TRAF3: variants seen among roughly 807,000 people sequenced by gnomAD.
TRAF3 encodes the protein TNF receptor associated factor 3, also known as TNF receptor-associated factor 3.
TRAF3 carries 13 observed loss-of-function variants against 62.3 expected under a neutral mutation model. The ratio of observed to expected loss-of-function variants is 0.21; its 90% CI spans 0.14 to 0.33. The LOEUF (loss-of-function observed/expected upper bound fraction) is 0.33, where lower values mean the gene tolerates loss of function less well. Ranked by LOEUF, TRAF3 falls within the 10% of genes least tolerant of loss-of-function variation. The pLI is 1.00. For synonymous variants in TRAF3, 269 were observed against 283.4 expected (o/e 0.95, Z 0.51); for missense variants, 440 against 741.8 (o/e 0.59, Z 4.73).
chr14:102,887,567 T>C (rs746461550), intron 7 of TRAF3, among the ~76,000 whole-genome samples: 1 of 152,166 alleles, frequency 6.6e-6, no homozygotes, highest in Non-Finnish European at 1.5e-5. Flanking sequence ...CCTCTGTTAA[T>C]GTATAAAGAG....
At chr14:102,896,621 G>A (rs1042740729) in intron 9 of TRAF3, among the ~76,000 whole-genome samples, 20 of 152,072 alleles carry the variant, frequency 1.3e-4, no homozygotes, top group African/African-American at 4.6e-4. Flanking sequence ...GTCAACAATT[G>A]AAAAATACTC....
intron 8 of TRAF3, among the ~76,000 whole-genome samples, chr14:102,889,855 A>G (rs550996675): frequency 6.6e-6 from 1 of 152,328 alleles, no homozygotes; most frequent in Non-Finnish European, 1.5e-5. Flanking sequence ...GCTGAGGTGG[A>G]AGTTAATACA....
intron 1 of TRAF3, among the ~76,000 whole-genome samples, chr14:102,792,113 CTTTTTTTTTTT>C (rs35895214): frequency 6.1e-5 from 6 of 97,694 alleles, no homozygotes; most frequent in East Asian, 2.8e-4. Context: ...TGTGCCTGGA[CTTTTTTTTTTT>C]TTTTTTTTTT....
At chr14:102,889,509 C>G (rs1329995137) in intron 7 of TRAF3, 51 bp from the exon 8 acceptor site, 15 of 1,585,584 alleles carry the variant, frequency 9.5e-6, no homozygotes, top group Non-Finnish European at 1.3e-5. Context: ...TATGTTTGAA[C>G]ATTTTCATGC....
intron 1 of TRAF3, among the ~76,000 whole-genome samples, chr14:102,781,052 A>G (rs1405000911): frequency 6.6e-6 from 1 of 152,220 alleles, no homozygotes; most frequent in Non-Finnish European, 1.5e-5. Context: ...GATTGTGTAG[A>G]ATTCTGGAAG....
chr14:102,834,052 A>G (rs547981272), intron 2 of TRAF3, among the ~76,000 whole-genome samples: 7 of 152,244 alleles, frequency 4.6e-5, no homozygotes, highest in African/African-American at 1.7e-4. Context: ...ACTCTCTGCT[A>G]TTCCTAGCAG....
intron 8 of TRAF3, 53 bp from the exon 9 acceptor site, chr14:102,891,272 C>T: frequency 1.9e-6 from 3 of 1,543,654 alleles, no homozygotes; most frequent in Non-Finnish European, 1.8e-6. Context: ...AGCCGTTCTG[C>T]CCTTTGAAAT....
At chr14:102,791,979 T>G (rs34149089) in intron 1 of TRAF3, among the ~76,000 whole-genome samples, 3 of 150,422 alleles carry the variant, frequency 2.0e-5, no homozygotes, top group Admixed American at 6.7e-5. Flanking sequence ...TGCCCTGCTG[T>G]TTTTTTTTAT....
Position 102,908,179 on chromosome 14 carries a change from G to A in TRAF3, c.*2395G>A, listed in dbSNP as rs1332174019. ...AGTGCGTGTCACTGGGACGTCTCCA[G>A]TAGCCCTTCCCAGGCAGACGCTCCT... On this transcript the variant is annotated 3_prime_UTR_variant, in exon 12 of 12. Transcript: ENST00000392745. 6.6e-6 allele frequency: 1 copy of A among 152,320 alleles called. No individual in the cohort carries two copies. The highest frequency in any genetic ancestry group is 1.5e-5 in the Non-Finnish European group (1 of 68,078). 9.4% of individuals were successfully genotyped at this position (152,320 alleles called of 1,614,324 possible).
intron 1 of TRAF3, among the ~76,000 whole-genome samples, chr14:102,791,140 C>T (rs1172615547): frequency 6.6e-6 from 1 of 151,910 alleles, no homozygotes; most frequent in Non-Finnish European, 1.5e-5. Context: ...CTGCCTCAGC[C>T]TCCCGAGTAG....
intron 2 of TRAF3, among the ~76,000 whole-genome samples, chr14:102,864,536 C>T (rs12588749): frequency 0.23 from 34,705 of 152,026 alleles, 4,420 homozygotes; most frequent in East Asian, 0.4. Flanking sequence ...ATTTACTAGT[C>T]ATAATTTAAA....
intron 1 of TRAF3, among the ~76,000 whole-genome samples, chr14:102,822,728 G>A (rs1192918999): frequency 6.6e-6 from 1 of 152,182 alleles, no homozygotes; most frequent in East Asian, 1.9e-4. Flanking sequence ...CATGCTGGCC[G>A]GGCGCTGTGG....
chr14:102,861,342 T>A (rs1566780557), intron 2 of TRAF3, among the ~76,000 whole-genome samples: 1 of 152,234 alleles, frequency 6.6e-6, no homozygotes, highest in Non-Finnish European at 1.5e-5. Context: ...AGAGGGACTC[T>A]ACTGAGAGGG....
At chr14:102,807,211 C>T (rs1246711116) in intron 1 of TRAF3, among the ~76,000 whole-genome samples, 2 of 152,190 alleles carry the variant, frequency 1.3e-5, no homozygotes, top group Admixed American at 6.5e-5. Flanking sequence ...GCATTCAGTG[C>T]ACCCTGCATT....
intron 2 of TRAF3, among the ~76,000 whole-genome samples, chr14:102,853,967 C>T (rs1423198894): frequency 2.0e-5 from 3 of 152,220 alleles, no homozygotes; most frequent in East Asian, 1.9e-4. Context: ...CAGCCTCTGG[C>T]AACCACTAAT....
At chr14:102,782,848 T>C (rs1897323241) in intron 1 of TRAF3, among the ~76,000 whole-genome samples, 1 of 152,078 alleles carries the variant, frequency 6.6e-6, no homozygotes, top group African/African-American at 2.4e-5. Context: ...CCCAAAAGCG[T>C]ATTTATTGGA....
rs927068444 is a variant in TRAF3, at chr14:102,897,370, G to A, written c.929G>A (p.Arg310Gln). Reference protein sequence around the residue: ...IEIERQKEMLRNNESKILHLQ... With the variant: ...IEIERQKEMLQNNESKILHLQ... Reference sequence around the variant, plus strand: ...ATTGAGAGACAAAAGGAAATGCTTCGAAATAATGAATCCAAAATCCTTCAT... The same window carrying A: ...ATTGAGAGACAAAAGGAAATGCTTCAAAATAATGAATCCAAAATCCTTCAT... Residue 310 changes from arginine (R) to glutamine (Q), a missense_variant, in exon 10 of 12, where the codon CGA becomes CAA. By Grantham distance (43) the Arg-to-Gln change is conservative. Coordinates refer to ENST00000392745, the MANE Select transcript of TRAF3 (RefSeq NM_145725.3). 6 of 1,613,764 alleles carry A rather than the reference G, an allele frequency of 3.7e-6. No homozygotes were observed. The highest frequency in any genetic ancestry group is 1.1e-5 in the South Asian group (1 of 91,040).
chr14:102,829,311 G>T (rs1900518147), intron 1 of TRAF3, among the ~76,000 whole-genome samples: 1 of 152,234 alleles, frequency 6.6e-6, no homozygotes, highest in South Asian at 2.1e-4. Flanking sequence ...TTCGTGATTA[G>T]TGTAAATAAA....
At chr14:102,851,313 G>T (rs1403691937) in intron 2 of TRAF3, among the ~76,000 whole-genome samples, 1 of 152,126 alleles carries the variant, frequency 6.6e-6, no homozygotes, top group African/African-American at 2.4e-5. Context: ...CTAATCAAAG[G>T]TTTTTACAAT....
Sources: gnomAD v4.1 joint callset for allele counts (sites outside exome capture counted in the v4.1 genomes callset) on GRCh38, gnomAD v4.1.1 for gene constraint, MANE v1.5 for transcripts, NCBI Gene and HGNC (gene_info 2026-07-23, HGNC 2026-07-21) for gene names.